BRD9: variants seen among roughly 807,000 people sequenced by gnomAD.
BRD9 encodes the protein bromodomain-containing protein 9.
In BRD9, 47 loss-of-function variants were observed where a neutral mutation model predicts 68.7. The observed-to-expected ratio is 0.68, with a 90% confidence interval of 0.54 to 0.87. The LOEUF is 0.87. Among genes scored for constraint, BRD9 ranks in the 40% least tolerant of loss-of-function variants. The pLI, the probability that BRD9 is intolerant of heterozygous loss-of-function variation, is 0.00. For missense variants in BRD9, 670 were observed against 748.4 expected (o/e 0.90, Z 1.22); for synonymous variants, 313 against 293.9 (o/e 1.06, Z -0.67).
At chr5:883,486 CCCA>C (rs945756981) in intron 8 of BRD9, 13 of 454,436 alleles carry the variant, frequency 2.9e-5, no homozygotes, top group African/African-American at 2.4e-4. Flanking sequence ...CTGAGTGGGC[CCCA>C]CCACCACAAA....
At position 876,208 on chromosome 5, in the gene BRD9, G is replaced by A. The variant is rs1750896345; in HGVS notation, c.1276C>T (p.Gln426Ter). 1 of 1,613,332 alleles carries A rather than the reference G, an allele frequency of 6.2e-7. No homozygotes were observed. Among genetic ancestry groups the A allele is most frequent in the Non-Finnish European group, 8.5e-7 (1 of 1,179,572 alleles). ...ETGVQCALSL[Q>*]EFVKDAGSYS... is the part of the protein sequence containing the mutation. ...CTCCCAGCATCCTTCACAAACTCCTGCAGGCTAGAGGGGCCGCGGGAGAAG... is the reference window on the plus strand; with the variant it reads ...CTCCCAGCATCCTTCACAAACTCCTACAGGCTAGAGGGGCCGCGGGAGAAG... Residue 426 changes from glutamine (Q) to a stop codon, truncating the protein, a stop_gained, in exon 12 of 16, where the codon CAG (glutamine) becomes TAG (stop). Coordinates refer to ENST00000467963, the MANE Select transcript of BRD9 (RefSeq NM_023924.5). LOFTEE classifies it high-confidence loss of function.
chr5:881,232 G>A (rs1414715124), intron 8 of BRD9, 50 bp from the exon 9 acceptor site: 2 of 1,562,482 alleles, frequency 1.3e-6, no homozygotes, highest in South Asian at 2.2e-5. Flanking sequence ...GGGCAGCGCA[G>A]CACAAATGAA....
At position 864,429 on chromosome 5, in the gene BRD9, C is replaced by CTAAAAACT; in HGVS notation, c.*38_*39insAGTTTTTA. On this transcript the variant is annotated 3_prime_UTR_variant, in exon 16 of 16. Coordinates refer to ENST00000467963, the MANE Select transcript of BRD9 (RefSeq NM_023924.5). ...AAAACTCTACACGTGCAAAATAAAACTAAAAAAATAAAATAAAAGAGCTGA... is the reference window on the plus strand; with the variant it reads ...AAAACTCTACACGTGCAAAATAAAACTAAAAACTTAAAAAAATAAAATAAAAGAGCTGA... The CTAAAAACT allele has an allele frequency of 6.6e-7, 1 of 1,511,272 alleles. No individual in the cohort carries two copies. Among genetic ancestry groups the CTAAAAACT allele is most frequent in the Non-Finnish European group, 9.0e-7 (1 of 1,109,860 alleles). The allele number at this position is 1,511,272 out of a possible 1,614,324, so 93.6% of individuals were successfully genotyped here. A position where few individuals can be genotyped will look rare whatever the true frequency, so the allele number is the denominator to read the frequency against.
Position 883,944 on chromosome 5 carries a change from G to A in BRD9, c.960C>T (p.Gly320=), listed in dbSNP as rs35948803. The change falls in exon 8 of 16, where the codon GGC becomes GGT. Residue 320 remains glycine, a synonymous_variant. Transcript: ENST00000467963. The part of the protein sequence containing the change: ...ARDRINRFLP[G]GKMGYLKRNG... ...GGTGGCCACAGAGCACTACCTTGCC[G>A]CCTGGGAGGAACCGGTTGATCCTGT... The A allele has an allele frequency of 7.9e-3, 12,701 of 1,611,894 alleles. 660 individuals are homozygous for A. In the African/African-American group the frequency reaches 0.13, roughly 16 times the overall value.
chr5:891,444 G>T, intron 2 of BRD9, 157 bp from the exon 3 acceptor site: 1 of 1,315,178 alleles, frequency 7.6e-7, no homozygotes. Flanking sequence ...AGAGACCCTG[G>T]CAGGGTCTGC....
chr5:880,969 G>A, intron 9 of BRD9, 138 bp downstream of exon 9: 1 of 836,688 alleles, frequency 1.2e-6, no homozygotes, highest in Non-Finnish European at 1.9e-6. Flanking sequence ...TCACGTTGGG[G>A]TGCGAGCAAG....
rs760198750 is a variant in BRD9, at chr5:876,085, T to C, written c.1383+16A>G. On this transcript the variant is annotated intron_variant, in intron 12 of 15. Transcript: ENST00000467963. Reference sequence around the variant, plus strand: ...AAGGGCACCTGCCCCCCAACCCCGGTGCGAGTGCAGCCCACCTGCTTCAGC... The same window carrying C: ...AAGGGCACCTGCCCCCCAACCCCGGCGCGAGTGCAGCCCACCTGCTTCAGC... The C allele has an allele frequency of 3.3e-5, 53 of 1,589,882 alleles. No homozygotes were observed. In the Admixed American group the frequency reaches 5.8e-4, roughly 18 times the overall value.
At chr5:865,209 G>A (rs1403605658) in intron 15 of BRD9, among the ~76,000 whole-genome samples, 2 of 152,242 alleles carry the variant, frequency 1.3e-5, no homozygotes, top group African/African-American at 4.8e-5. Flanking sequence ...CCAGCGTGCG[G>A]CCAGGCCAGC....
chr5:868,508 C>A (rs888932670), intron 14 of BRD9: 1 of 152,246 alleles, frequency 6.6e-6, no homozygotes, highest in African/African-American at 2.4e-5. Context: ...ATCTGGGGTC[C>A]CCCCCAGTGC....
intron 3 of BRD9, chr5:890,053 C>T (rs895377404): frequency 2.3e-5 from 8 of 341,842 alleles, no homozygotes; most frequent in African/African-American, 1.1e-4. Flanking sequence ...AATAAATGGC[C>T]GGCGTGGTGG....
chr5:888,539 T>G (rs1752894890), intron 5 of BRD9: 1 of 152,368 alleles, frequency 6.6e-6, no homozygotes, highest in South Asian at 2.1e-4. Flanking sequence ...TTCCCCTGGG[T>G]TGCAAAACCA....
intron 3 of BRD9, chr5:889,859 C>T (rs545997488): frequency 2.4e-5 from 25 of 1,031,352 alleles, no homozygotes; most frequent in Non-Finnish European, 3.4e-5. Context: ...TCATAAAAAT[C>T]TCTTGTAATA....
intron 11 of BRD9, 73 bp downstream of exon 11, chr5:878,282 G>A (rs1188482753): frequency 2.5e-6 from 4 of 1,589,630 alleles, no homozygotes. Context: ...CACACATGTG[G>A]GACTCCACGT....
chr5:870,578 G>T lies in BRD9; in HGVS notation c.1423-3C>A. The stretch of plus-strand genomic sequence containing the variant: ...CTGTCTCCTAGGGTGTCCCCAACCT[G>T]TGGAGACAGACACACATCAAGAGCA... On this transcript the variant is annotated splice_region_variant and splice_polypyrimidine_tract_variant and intron_variant, in intron 13 of 15. Coordinates refer to ENST00000467963, the MANE Select transcript of BRD9 (RefSeq NM_023924.5). 3 of 1,604,216 alleles carry T rather than the reference G, an allele frequency of 1.9e-6. No individual in the cohort carries two copies. Among genetic ancestry groups the T allele is most frequent in the Middle Eastern group, 1.7e-4 (1 of 6,044 alleles).
intron 14 of BRD9, among the ~76,000 whole-genome samples, chr5:868,051 G>C (rs1470476351): frequency 2.0e-5 from 3 of 152,164 alleles, no homozygotes; most frequent in Non-Finnish European, 4.4e-5. Context: ...TGGATCATGG[G>C]GATGGATTTC....
At chr5:876,692 T>C (rs577790645) in intron 11 of BRD9, among the ~76,000 whole-genome samples, 1 of 152,168 alleles carries the variant, frequency 6.6e-6, no homozygotes, top group South Asian at 2.1e-4. Context: ...TAAAATATAA[T>C]ACAATCTAAA....
Position 889,001 on chromosome 5 carries a change from G to C in BRD9, c.606+20C>G. The C allele has an allele frequency of 1.9e-6, 3 of 1,600,292 alleles. No homozygotes were observed. Among genetic ancestry groups the C allele is most frequent in the Non-Finnish European group, 2.6e-6 (3 of 1,173,984 alleles). On this transcript the variant is annotated intron_variant, in intron 5 of 15. Coordinates refer to ENST00000467963, the MANE Select transcript of BRD9 (RefSeq NM_023924.5). ...CACAGAACTATGCCACGATTACTTC[G>C]GGCAATGAAAGTAACTTACCTTAAA...
intron 1 of BRD9, 138 bp downstream of exon 1, chr5:892,468 C>A: frequency 7.0e-7 from 1 of 1,429,756 alleles, no homozygotes; most frequent in Non-Finnish European, 9.1e-7. Context: ...ATCCCAGGAC[C>A]CCCTCCCGCG....
At chr5:865,257 C>A (rs1387606131) in intron 15 of BRD9, among the ~76,000 whole-genome samples, 157 bp downstream of exon 15, 1 of 152,252 alleles carries the variant, frequency 6.6e-6, no homozygotes, top group Non-Finnish European at 1.5e-5. Context: ...GAGGCCGCGA[C>A]CCAAGGACAT....
Sources: allele counts gnomAD v4.1 joint callset (sites outside exome capture counted in the v4.1 genomes callset), GRCh38; gene constraint gnomAD v4.1.1; transcripts MANE v1.5; gene names NCBI Gene and HGNC (gene_info 2026-07-23, HGNC 2026-07-21).